Variants in ZNF569 observed in about 807,000 individuals in gnomAD.
The protein encoded by ZNF569 is zinc finger protein 569, also known as DNA-binding protein.
A neutral mutation model predicts 56.3 loss-of-function variants in ZNF569; 38 were observed. That is an observed-to-expected ratio of 0.68 (90% CI 0.52 to 0.88). ZNF569 has a LOEUF of 0.88. Among genes scored for constraint, ZNF569 ranks in the 40% least tolerant of loss-of-function variants. The pLI is 0.00. For missense variants in ZNF569, 666 were observed against 809.2 expected, an observed-to-expected ratio of 0.82 and a Z score of 2.15; for synonymous variants, 241 against 262.9, an observed-to-expected ratio of 0.92 and a Z score of 0.81.
At position 37,414,063 on chromosome 19, in the gene ZNF569, A is replaced by C. The variant is rs2040887137; in HGVS notation, c.595T>G (p.Leu199Val). ...ATTCTCAGATGTCTGATGAGGTCCAAAGTCTGATTGAAGCCTTTTCCACAA... is the reference window on the plus strand; with the variant it reads ...ATTCTCAGATGTCTGATGAGGTCCACAGTCTGATTGAAGCCTTTTCCACAA... ...NHCGKGFNQT[L>V]DLIRHLRIHT... is the part of the protein sequence containing the mutation. The change falls in exon 6 of 6, where the codon TTG (leucine) becomes GTG (valine). Residue 199 changes from leucine (L) to valine (V), a missense_variant. Coordinates refer to ENST00000316950, the MANE Select transcript of ZNF569 (RefSeq NM_152484.3). The C allele has an allele frequency of 6.2e-7, 1 of 1,613,534 alleles. No homozygotes were observed. The highest frequency in any genetic ancestry group is 1.3e-5 in the African/African-American group (1 of 74,906).
At chr19:37,423,594 G>C (rs2041073377) in intron 5 of ZNF569, among the ~76,000 whole-genome samples, 1 of 152,000 alleles carries the variant, frequency 6.6e-6, no homozygotes, top group Non-Finnish European at 1.5e-5. Context: ...AGTCGAGGTG[G>C]CAAAAAAGTA....
chr19:37,438,660 CAG>C (rs1369494942), intron 3 of ZNF569, among the ~76,000 whole-genome samples: 2 of 152,106 alleles, frequency 1.3e-5, no homozygotes, highest in Non-Finnish European at 2.9e-5. Flanking sequence ...TAAAAGAAAA[CAG>C]AGGAAATTCT....
chr19:37,430,131 G>T (rs956351300), intron 3 of ZNF569, among the ~76,000 whole-genome samples: 2 of 151,520 alleles, frequency 1.3e-5, no homozygotes, highest in East Asian at 3.9e-4. Context: ...AGAGTTCAAG[G>T]TTACAGTGAG....
chr19:37,449,018 T>C lies in ZNF569; in HGVS notation c.-43-4054A>G, dbSNP rs1049844434. ...TTTAGCTGCTTCCCACATATTTTGG[T>C]GTGCTGTATTTCCATTTTCTTTCGA... is the stretch of plus-strand genomic sequence containing the variant. On this transcript the variant is annotated intron_variant, in intron 2 of 5. Transcript: ENST00000316950. 3.3e-5 allele frequency among the ~76,000 whole-genome samples: 5 copies of C among 152,314 alleles called. 1 individual carries two copies. The highest frequency in any genetic ancestry group is 3.4e-3 in the Middle Eastern group (1 of 294).
At chr19:37,441,265 G>A (rs2041400500) in intron 3 of ZNF569, among the ~76,000 whole-genome samples, 1 of 152,112 alleles carries the variant, frequency 6.6e-6, no homozygotes, top group African/African-American at 2.4e-5. Context: ...GAGTTAAGTG[G>A]GAAAAGTGTC....
intron 2 of ZNF569, among the ~76,000 whole-genome samples, 176 bp downstream of exon 2, chr19:37,465,137 C>T (rs1474000246): frequency 3.3e-5 from 5 of 152,212 alleles, no homozygotes; most frequent in South Asian, 2.1e-4. Context: ...TTCTCACTCA[C>T]GCATAAATAG....
intron 1 of ZNF569, among the ~76,000 whole-genome samples, chr19:37,466,239 A>C (rs890621019): frequency 5.3e-5 from 8 of 152,272 alleles, no homozygotes; most frequent in African/African-American, 1.7e-4. Context: ...GAGGAGAATG[A>C]GTTTAGTAAG....
At chr19:37,452,842 C>T (rs1244126079) in intron 2 of ZNF569, among the ~76,000 whole-genome samples, 7 of 152,048 alleles carry the variant, frequency 4.6e-5, no homozygotes, top group Non-Finnish European at 4.4e-5. Context: ...TCTGGATGTT[C>T]GTTTCCTTCC....
At chr19:37,451,886 G>A (rs1227215229) in intron 2 of ZNF569, among the ~76,000 whole-genome samples, 1 of 152,162 alleles carries the variant, frequency 6.6e-6, no homozygotes, top group Non-Finnish European at 1.5e-5. Context: ...TATCCATTCA[G>A]CCACTCTGTT....
chr19:37,455,186 A>T (rs2041653313), intron 2 of ZNF569: 4 of 265,420 alleles, frequency 1.5e-5, no homozygotes, highest in Non-Finnish European at 2.8e-5. Flanking sequence ...TTAGGATAAC[A>T]GTTTAAAGTC....
At chr19:37,460,514 GAC>G in intron 2 of ZNF569, among the ~76,000 whole-genome samples, 1 of 150,954 alleles carries the variant, frequency 6.6e-6, no homozygotes, top group Non-Finnish European at 1.5e-5. Context: ...GCAATTAGAA[GAC>G]AGATTGTCAG....
At chr19:37,424,405 G>A (rs2041089131) in intron 5 of ZNF569, among the ~76,000 whole-genome samples, 1 of 152,224 alleles carries the variant, frequency 6.6e-6, no homozygotes, top group African/African-American at 2.4e-5. Flanking sequence ...TAGCACACAG[G>A]TAAGAAAGCC....
intron 5 of ZNF569, chr19:37,425,649 G>T: frequency 2.8e-6 from 1 of 350,902 alleles, no homozygotes. Context: ...TTTTTTTTAA[G>T]AGATGAGGTC....
chr19:37,449,824 G>C (rs1029568801), intron 2 of ZNF569, among the ~76,000 whole-genome samples: 5 of 152,050 alleles, frequency 3.3e-5, no homozygotes, highest in Admixed American at 6.5e-5. Flanking sequence ...TATTCAATGT[G>C]ATAAGCTCTA....
At chr19:37,464,188 G>A (rs891495539) in intron 2 of ZNF569, among the ~76,000 whole-genome samples, 2 of 151,842 alleles carry the variant, frequency 1.3e-5, no homozygotes, top group East Asian at 3.9e-4. Flanking sequence ...AATTTTAATC[G>A]TATTTATTTA....
At chr19:37,416,890 T>C (rs10407084) in intron 5 of ZNF569, among the ~76,000 whole-genome samples, 31,859 of 152,042 alleles carry the variant, frequency 0.21, 3,575 homozygotes, top group South Asian at 0.32. Context: ...GTGTTATGGA[T>C]TGAATTGTGT....
intron 3 of ZNF569, among the ~76,000 whole-genome samples, chr19:37,428,735 C>T (rs543764436): frequency 2.0e-4 from 29 of 148,588 alleles, no homozygotes; most frequent in Admixed American, 1.3e-3. Context: ...TGCAGTGTGG[C>T]GTGATGTTGG....
intron 4 of ZNF569, 74 bp from the exon 5 acceptor site, chr19:37,426,037 C>T (rs1345353639): frequency 2.7e-6 from 4 of 1,492,094 alleles, no homozygotes; most frequent in Non-Finnish European, 3.7e-6. Context: ...TGAGGCTGGC[C>T]CAGGAAAACC....
intron 2 of ZNF569, among the ~76,000 whole-genome samples, chr19:37,450,661 G>T (rs2041577198): frequency 6.6e-6 from 1 of 151,508 alleles, no homozygotes; most frequent in African/African-American, 2.4e-5. Flanking sequence ...CCTTTCTTCT[G>T]CTAACTTTGG....
Sources: gnomAD v4.1 joint callset for allele counts (sites outside exome capture counted in the v4.1 genomes callset) on GRCh38, gnomAD v4.1.1 for gene constraint, MANE v1.5 for transcripts, NCBI Gene and HGNC (gene_info 2026-07-23, HGNC 2026-07-21) for gene names.